Variants in ANKRD22 observed in about 807,000 individuals in gnomAD.
The protein encoded by ANKRD22 is ankyrin repeat domain 22.
A neutral mutation model predicts 25.7 loss-of-function variants in ANKRD22; 24 were observed. The ratio of observed to expected loss-of-function variants is 0.93; its 90% confidence interval spans 0.68 to 1.31. The LOEUF (loss-of-function observed/expected upper bound fraction) is 1.31, where lower values mean the gene tolerates loss of function less well. ANKRD22 is among the 50% of genes most tolerant of loss of function. The pLI, the probability that ANKRD22 is intolerant of heterozygous loss-of-function variation, is 0.00. For missense variants in ANKRD22, 214 were observed against 227.1 expected (o/e 0.94, Z 0.37); for synonymous variants, 84 against 84.3 (o/e 1.00, Z 0.02).
intron 2 of ANKRD22, among the ~76,000 whole-genome samples, chr10:88,831,532 AAG>A (rs1464134453): frequency 2.6e-5 from 4 of 152,214 alleles, no homozygotes; most frequent in African/African-American, 7.2e-5. Flanking sequence ...GAGAGGAAGA[AAG>A]AGGAGGATGA....
chr10:88,835,199 T>A (rs1843942485), intron 1 of ANKRD22, among the ~76,000 whole-genome samples: 1 of 152,212 alleles, frequency 6.6e-6, no homozygotes, highest in South Asian at 2.1e-4. Context: ...GGGGAGTTGT[T>A]CTGCAAGAGT....
At chr10:88,833,957 C>T (rs1382379129) in intron 1 of ANKRD22, among the ~76,000 whole-genome samples, 3 of 152,190 alleles carry the variant, frequency 2.0e-5, no homozygotes, top group Non-Finnish European at 4.4e-5. Context: ...GTGGACAATT[C>T]ACTTCCCTAC....
At chr10:88,841,077 T>C (rs1350269255) in intron 1 of ANKRD22, among the ~76,000 whole-genome samples, 1 of 152,092 alleles carries the variant, frequency 6.6e-6, no homozygotes, top group Admixed American at 6.6e-5. Context: ...AAGGTCTGTT[T>C]GAGAACATGA....
intron 1 of ANKRD22, among the ~76,000 whole-genome samples, chr10:88,837,786 G>A (rs760868459): frequency 3.9e-5 from 6 of 152,152 alleles, no homozygotes; most frequent in Non-Finnish European, 8.8e-5. Context: ...CTGTTCTCAT[G>A]ATAGTGAATA....
intron 1 of ANKRD22, among the ~76,000 whole-genome samples, chr10:88,832,569 A>C (rs1206470683): frequency 6.6e-6 from 1 of 152,112 alleles, no homozygotes; most frequent in Non-Finnish European, 1.5e-5. Flanking sequence ...TAAAGATAAA[A>C]TAGAAAACAA....
rs1310320199 is a variant in ANKRD22 at position 88,820,066 on chromosome 10, T to TA, written c.*2874dup. Among the ~76,000 whole-genome samples the TA allele has an allele frequency of 2.6e-5, 4 of 152,316 alleles. No homozygotes were observed. Among genetic ancestry groups the TA allele is most frequent in the Non-Finnish European group, 5.9e-5 (4 of 68,022 alleles). ...TCAATAATGTTAAGTAATTTTACCT[T>TA]AAAGTAAGGGCGGGAACAGAAATTC... is the stretch of plus-strand genomic sequence containing the variant. On this transcript the variant is annotated 3_prime_UTR_variant, in exon 6 of 6. Coordinates refer to ENST00000371930, the MANE Select transcript of ANKRD22 (RefSeq NM_144590.3).
chr10:88,838,182 C>G (rs1266716900), intron 1 of ANKRD22, among the ~76,000 whole-genome samples: 2 of 152,030 alleles, frequency 1.3e-5, no homozygotes, highest in Non-Finnish European at 2.9e-5. Flanking sequence ...CTTTGAAAAC[C>G]AGGTTGTAGA....
chr10:88,828,554 C>T lies in ANKRD22; in HGVS notation c.321+5G>A. On this transcript the variant is annotated splice_donor_5th_base_variant and intron_variant, in intron 3 of 5. Coordinates refer to ENST00000371930, the MANE Select transcript of ANKRD22 (RefSeq NM_144590.3). Reference sequence around the variant, plus strand: ...TGCCCTTTGCTCTACAAGTGTTGTACTCACCATGAGGAAATACCCAATAAG... The same window carrying T: ...TGCCCTTTGCTCTACAAGTGTTGTATTCACCATGAGGAAATACCCAATAAG... 3 of 1,584,556 alleles carry T rather than the reference C, an allele frequency of 1.9e-6. No homozygotes were observed. Among genetic ancestry groups the T allele is most frequent in the Non-Finnish European group, 2.6e-6 (3 of 1,154,982 alleles).
chr10:88,850,907 A>C (rs1844098334), intron 1 of ANKRD22, among the ~76,000 whole-genome samples: 1 of 152,080 alleles, frequency 6.6e-6, no homozygotes, highest in Non-Finnish European at 1.5e-5. Flanking sequence ...GAGGAGAGAG[A>C]GAGTAAATTA....
At chr10:88,825,576 G>A (rs1406309092) in intron 4 of ANKRD22, among the ~76,000 whole-genome samples, 1 of 152,224 alleles carries the variant, frequency 6.6e-6, no homozygotes, top group Admixed American at 6.5e-5. Context: ...CTGAGCATGT[G>A]CTAAGTGCTT....
chr10:88,851,601 T>G lies in ANKRD22; in HGVS notation c.7A>C (p.Ile3Leu), dbSNP rs1844105444. The G allele has an allele frequency of 6.2e-7, 1 of 1,613,472 alleles. No individual in the cohort carries two copies. The highest frequency in any genetic ancestry group is 1.1e-5 in the South Asian group (1 of 91,066). The change falls in exon 1 of 6, where the codon ATC becomes CTC. Residue 3 changes from isoleucine (I) to leucine (L), a missense_variant. Physicochemically the swap from Ile to Leu is conservative, Grantham distance 5. Coordinates refer to ENST00000371930, the MANE Select transcript of ANKRD22 (RefSeq NM_144590.3). ...AGGTGATGTACCTCAGAGTATAGGA[T>G]TCCCATGCTGGTCCTTCACAGGCTT... is the stretch of plus-strand genomic sequence containing the variant. MG[I>L]LYSEPICQAA...
At chr10:88,847,495 G>A (rs904109862) in intron 1 of ANKRD22, among the ~76,000 whole-genome samples, 1 of 151,988 alleles carries the variant, frequency 6.6e-6, no homozygotes, top group Non-Finnish European at 1.5e-5. Flanking sequence ...CCAACCTCAG[G>A]TGATCCACCT....
At chr10:88,836,791 A>G (rs1843958063) in intron 1 of ANKRD22, among the ~76,000 whole-genome samples, 1 of 152,206 alleles carries the variant, frequency 6.6e-6, no homozygotes, top group South Asian at 2.1e-4. Flanking sequence ...ACCAAGAGAT[A>G]AGAAGTGTCA....
chr10:88,825,537 G>A (rs1843847642), intron 4 of ANKRD22, among the ~76,000 whole-genome samples: 1 of 152,242 alleles, frequency 6.6e-6, no homozygotes. Flanking sequence ...AGTGGCAGCT[G>A]TTGCCATTCA....
At chr10:88,826,667 A>G (rs1485820028) in intron 3 of ANKRD22, among the ~76,000 whole-genome samples, 1 of 152,164 alleles carries the variant, frequency 6.6e-6, no homozygotes, top group Non-Finnish European at 1.5e-5. Context: ...TTTGCCTGGC[A>G]TATTCACCTT....
intron 2 of ANKRD22, among the ~76,000 whole-genome samples, chr10:88,829,651 T>C (rs536056166): frequency 1.5e-4 from 20 of 133,442 alleles, no homozygotes; most frequent in Middle Eastern, 3.9e-3. Context: ...CATTTTTCCA[T>C]GCAATTCAAT....
intron 4 of ANKRD22, among the ~76,000 whole-genome samples, chr10:88,824,375 T>A (rs936196983): frequency 1.3e-5 from 2 of 152,212 alleles, no homozygotes; most frequent in Non-Finnish European, 2.9e-5. Flanking sequence ...TAGCTCTGGA[T>A]CCCATTCCCT....
intron 4 of ANKRD22, chr10:88,823,619 G>A (rs1386258718): frequency 3.5e-5 from 14 of 394,576 alleles, no homozygotes; most frequent in African/African-American, 1.0e-4. Flanking sequence ...CGAGGTCAGA[G>A]GATCGAGACC....
In ANKRD22 at chr10:88,820,707, T is replaced by C. The variant is rs1843783379; in HGVS notation, c.*2234A>G. On this transcript the variant is annotated 3_prime_UTR_variant, in exon 6 of 6. Coordinates refer to ENST00000371930, the MANE Select transcript of ANKRD22 (RefSeq NM_144590.3). ...AGAGGTTTTGTATGCTATTATATAT[T>C]CTACCATCTTGAAGGGTAGGTTTTA... is the stretch of plus-strand genomic sequence containing the variant. 6.6e-6 allele frequency among the ~76,000 whole-genome samples: 1 copy of C among 152,228 alleles called. No individual in the cohort carries two copies.
Sources: allele counts gnomAD v4.1 joint callset (sites outside exome capture counted in the v4.1 genomes callset), GRCh38; gene constraint gnomAD v4.1.1; transcripts MANE v1.5; gene names NCBI Gene and HGNC (gene_info 2026-07-23, HGNC 2026-07-21).